Variants in TRPC4 observed in about 807,000 individuals in gnomAD.
The protein encoded by TRPC4 is short transient receptor potential channel 4.
TRPC4 carries 49 observed loss-of-function variants against 99.4 expected under a neutral mutation model. The observed-to-expected ratio is 0.49, with a 90% CI of 0.39 to 0.63. The LOEUF is 0.63. Ranked by LOEUF, TRPC4 falls within the 20% of genes least tolerant of loss-of-function variation. The pLI is 0.00. For missense variants in TRPC4, 898 were observed against 1,152.9 expected, an observed-to-expected ratio of 0.78 and a Z score of 3.20; for synonymous variants, 454 against 425.9, an observed-to-expected ratio of 1.07 and a Z score of -0.81.
intron 1 of TRPC4, among the ~76,000 whole-genome samples, chr13:37,818,331 G>C (rs1957920522): frequency 6.6e-6 from 1 of 152,084 alleles, no homozygotes; most frequent in African/African-American, 2.4e-5. Context: ...GGAGAAATAG[G>C]AATGCTTTTA....
intron 1 of TRPC4, among the ~76,000 whole-genome samples, chr13:37,847,997 C>T (rs1319605662): frequency 1.3e-5 from 2 of 152,084 alleles, no homozygotes; most frequent in East Asian, 1.9e-4. Flanking sequence ...ATAATGTATG[C>T]TACATTTCAA....
chr13:37,852,598 G>T (rs1959087657), intron 1 of TRPC4, among the ~76,000 whole-genome samples: 1 of 151,528 alleles, frequency 6.6e-6, no homozygotes, highest in Middle Eastern at 3.4e-3. Flanking sequence ...AAAGTAAAGG[G>T]GAAATTTTCT....
At chr13:37,750,105 T>C (rs556903423) in intron 2 of TRPC4, among the ~76,000 whole-genome samples, 45 of 151,850 alleles carry the variant, frequency 3.0e-4, no homozygotes, top group Middle Eastern at 3.4e-3. Context: ...GTACTCTTTA[T>C]GTCTAGCTTT....
At chr13:37,644,193 A>G (rs1951803008) in intron 8 of TRPC4, among the ~76,000 whole-genome samples, 1 of 152,200 alleles carries the variant, frequency 6.6e-6, no homozygotes, top group Non-Finnish European at 1.5e-5. Flanking sequence ...TAGGACATTC[A>G]TATCCTTTTT....
At chr13:37,761,884 T>A (rs1004446328) in intron 2 of TRPC4, among the ~76,000 whole-genome samples, 6 of 150,666 alleles carry the variant, frequency 4.0e-5, no homozygotes, top group African/African-American at 1.5e-4. Context: ...AGGTTTAGAA[T>A]GCATGCTTTT....
chr13:37,768,522 A>T (rs1956454316), intron 2 of TRPC4, among the ~76,000 whole-genome samples: 1 of 27,106 alleles, frequency 3.7e-5, no homozygotes, highest in African/African-American at 9.9e-5. Flanking sequence ...AGGAGAAAGA[A>T]AAAGGACTTT....
chr13:37,726,279 C>T (rs1259497539), intron 3 of TRPC4, among the ~76,000 whole-genome samples: 1 of 151,856 alleles, frequency 6.6e-6, no homozygotes, highest in South Asian at 2.1e-4. Context: ...GAGACAAATG[C>T]ATTTTAAAAA....
intron 1 of TRPC4, among the ~76,000 whole-genome samples, chr13:37,812,705 T>A (rs1285122721): frequency 6.6e-6 from 1 of 151,938 alleles, no homozygotes; most frequent in East Asian, 1.9e-4. Flanking sequence ...ATTTGAAAAA[T>A]AATGAAAAAG....
intron 3 of TRPC4, among the ~76,000 whole-genome samples, chr13:37,716,321 G>C (rs961338977): frequency 1.3e-5 from 2 of 152,122 alleles, no homozygotes; most frequent in African/African-American, 4.8e-5. Flanking sequence ...CATTAAAGAT[G>C]AGGTACCTTC....
At chr13:37,744,757 T>A (rs1955689843) in intron 3 of TRPC4, among the ~76,000 whole-genome samples, 1 of 152,146 alleles carries the variant, frequency 6.6e-6, no homozygotes, top group Non-Finnish European at 1.5e-5. Flanking sequence ...TTTCCAAGTA[T>A]TGTTCTGGAA....
At chr13:37,670,491 G>A (rs1046839676) in intron 5 of TRPC4, among the ~76,000 whole-genome samples, 4 of 152,096 alleles carry the variant, frequency 2.6e-5, no homozygotes, top group South Asian at 2.1e-4. Context: ...CGGTAATCCC[G>A]TCTGAAGCAA....
intron 1 of TRPC4, among the ~76,000 whole-genome samples, chr13:37,865,442 A>G (rs1456750098): frequency 6.6e-6 from 1 of 151,572 alleles, no homozygotes; most frequent in African/African-American, 2.4e-5. Flanking sequence ...GTTCATAAAA[A>G]CAAACTTTTT....
chr13:37,701,520 C>T (rs1293131843), intron 3 of TRPC4, among the ~76,000 whole-genome samples: 2 of 151,942 alleles, frequency 1.3e-5, no homozygotes, highest in Non-Finnish European at 2.9e-5. Context: ...TTGTCATTTC[C>T]AGCATTTCCA....
rs373974341 is a variant in TRPC4 at position 37,746,175 on chromosome 13, G to C, written c.659C>G (p.Ala220Gly). ...CTGAAGTTCCCAACTTAACTGAAAG[G>C]CTGTGAGAAAAGGATCTTCGCTTGA... ...ALSSEDPFLTAFQLSWELQEL... is the reference protein window; with the variant it reads ...ALSSEDPFLTGFQLSWELQEL... The change falls in exon 3 of 11, where the codon GCC (alanine) becomes GGC (glycine). Residue 220 changes from alanine to glycine, a missense_variant. Physicochemically the swap from Ala to Gly is moderately conservative, Grantham distance 60 (BLOSUM62 0). Around this residue, in one of 3 missense-constraint regions of TRPC4, gnomAD observed 278 missense variants for 346.6 expected, o/e 0.80. Coordinates refer to ENST00000379705, the MANE Select transcript of TRPC4 (RefSeq NM_016179.4). 7 of 1,613,778 alleles carry C rather than the reference G, an allele frequency of 4.3e-6. No homozygotes were observed. Among genetic ancestry groups the C allele is most frequent in the Middle Eastern group, 1.7e-4 (1 of 6,058 alleles).
At chr13:37,693,341 C>T (rs1953789609) in intron 3 of TRPC4, among the ~76,000 whole-genome samples, 1 of 152,032 alleles carries the variant, frequency 6.6e-6, no homozygotes, top group South Asian at 2.1e-4. Context: ...AGAACAAGAG[C>T]ATAACCTGGT....
intron 2 of TRPC4, among the ~76,000 whole-genome samples, chr13:37,768,948 TAGACA>T (rs1449269815): frequency 6.6e-6 from 1 of 151,426 alleles, no homozygotes; most frequent in African/African-American, 2.4e-5. Flanking sequence ...TTCATTTTGC[TAGACA>T]ATTAAGCAAA....
rs774973183 is a variant in TRPC4 at position 37,639,292 on chromosome 13, G to A, written c.2087C>T (p.Ala696Val). Residue 696 changes from alanine to valine, a missense_variant, in exon 9 of 11, where the codon GCT becomes GTT. Transcript: ENST00000379705. Reference protein sequence around the residue: ...PESFGTIGRRAADNLRRHHQY... With the variant: ...PESFGTIGRRVADNLRRHHQY... ...GTGATGTCTTCTCAAGTTATCAGCA[G>A]CTCGCCTCTGAAAAGGAAAAGGACA... 6.2e-7 allele frequency: 1 copy of A among 1,613,528 alleles called. No individual in the cohort carries two copies.
rs149821765 is a variant in TRPC4, at chr13:37,667,221, CTCT to C, written c.1375-3495_1375-3493del. Among the ~76,000 whole-genome samples, 1,496 of 152,238 alleles carry C rather than the reference CTCT, an allele frequency of 9.8e-3. 9 individuals are homozygous for C. Among genetic ancestry groups the C allele is most frequent in the Non-Finnish European group, 0.017 (1,148 of 68,016 alleles). On this transcript the variant is annotated intron_variant, in intron 5 of 10. Coordinates refer to ENST00000379705, the MANE Select transcript of TRPC4 (RefSeq NM_016179.4). ...TACCCTCACTGTTTTAAAATAGTAC[CTCT>C]TATTTCTCAGATATAACTGCAGCAC...
intron 1 of TRPC4, among the ~76,000 whole-genome samples, chr13:37,831,298 TA>T (rs1958415565): frequency 6.6e-6 from 1 of 152,156 alleles, no homozygotes; most frequent in Non-Finnish European, 1.5e-5. Context: ...TCAATATCAC[TA>T]ATATCAGGGA....
Sources: gnomAD v4.1 joint callset for allele counts (sites outside exome capture counted in the v4.1 genomes callset) on GRCh38, gnomAD v4.1.1 for gene constraint, gnomAD v4.1.1 regional missense constraint, MANE v1.5 for transcripts, NCBI Gene and HGNC (gene_info 2026-07-23, HGNC 2026-07-21) for gene names.